The following NARS2 variants were observed in gnomAD, a reference collection of about 807,000 sequenced individuals.
NARS2 encodes asparaginyl-tRNA synthetase 2, mitochondrial.
Under a neutral mutation model 62.9 loss-of-function variants are expected in NARS2, and 60 were observed. That is an observed-to-expected ratio of 0.95 (90% CI 0.77 to 1.18). The LOEUF is 1.18. Among genes scored for constraint, NARS2 ranks in the 50% most tolerant of loss-of-function variants. The pLI is 0.00. For synonymous variants in NARS2, 196 were observed against 200.0 expected (o/e 0.98, Z 0.17); for missense variants, 619 against 576.4 (o/e 1.07, Z -0.76).
intron 1 of NARS2, 134 bp from the exon 2 acceptor site, chr11:78,571,578 C>T (rs1402682881): frequency 1.6e-6 from 1 of 611,216 alleles, no homozygotes; most frequent in Admixed American, 2.8e-5. Context: ...TTTAGTTCAC[C>T]AATATGCATA....
chr11:78,571,448 A>C lies in NARS2; in HGVS notation c.142-4T>G. ...ATCGGACAGAACGAATCCATCCCTA[A>C]GGAAGAGAAATATTTCCAATGTGAG... On this transcript the variant is annotated splice_polypyrimidine_tract_variant and splice_region_variant and intron_variant, in intron 1 of 13. Coordinates refer to ENST00000281038, the MANE Select transcript of NARS2 (RefSeq NM_024678.6). 12 of 1,597,782 alleles carry C rather than the reference A, an allele frequency of 7.5e-6. No individual in the cohort carries two copies. Among genetic ancestry groups the C allele is most frequent in the Non-Finnish European group, 1.0e-5 (12 of 1,166,180 alleles).
At chr11:78,518,327 C>T (rs951161386) in intron 6 of NARS2, among the ~76,000 whole-genome samples, 6 of 151,904 alleles carry the variant, frequency 3.9e-5, no homozygotes, top group East Asian at 3.9e-4. Context: ...TATATGGAGA[C>T]GAACTGTATA....
intron 9 of NARS2, among the ~76,000 whole-genome samples, chr11:78,472,996 T>C (rs1470861515): frequency 6.6e-6 from 1 of 152,194 alleles, no homozygotes; most frequent in Non-Finnish European, 1.5e-5. Flanking sequence ...TTAACATGCA[T>C]ATCTGACTTA....
At chr11:78,569,190 A>G (rs1284679069) in intron 2 of NARS2, among the ~76,000 whole-genome samples, 1 of 152,204 alleles carries the variant, frequency 6.6e-6, no homozygotes, top group East Asian at 1.9e-4. Flanking sequence ...TTTCTAGTTA[A>G]TAAGACTAGG....
intron 11 of NARS2, among the ~76,000 whole-genome samples, chr11:78,461,054 A>G (rs1858374688): frequency 6.6e-6 from 1 of 152,228 alleles, no homozygotes; most frequent in African/African-American, 2.4e-5. Context: ...GTCATTTTAC[A>G]TAAGGGACTC....
intron 6 of NARS2, among the ~76,000 whole-genome samples, chr11:78,526,004 G>C (rs1287159549): frequency 6.6e-6 from 1 of 152,128 alleles, no homozygotes; most frequent in Non-Finnish European, 1.5e-5. Flanking sequence ...GAATGGAAGA[G>C]ACTGGGGAAA....
chr11:78,563,851 A>ATAT (rs1555044245), intron 4 of NARS2, among the ~76,000 whole-genome samples: 62 of 33,926 alleles, frequency 1.8e-3, no homozygotes, highest in African/African-American at 5.6e-3. Context: ...AAAAAAAAAA[A>ATAT]ATATATATAT....
rs1311537656 is a variant in NARS2, at chr11:78,574,450, G to C, written c.39C>G (p.Phe13Leu). 2 of 1,613,928 alleles carry C rather than the reference G, an allele frequency of 1.2e-6. No homozygotes were observed. The highest frequency in any genetic ancestry group is 8.5e-7 in the Non-Finnish European group (1 of 1,179,958). The change falls in exon 1 of 14, where the codon TTC becomes TTG. Residue 13 changes from phenylalanine to leucine, a missense_variant. Physicochemically the swap from Phe to Leu is conservative, Grantham distance 22. Transcript: ENST00000281038. ...GVRCLLRSVRFCSSAPFPKHK... is the reference protein window; with the variant it reads ...GVRCLLRSVRLCSSAPFPKHK... ...GCTTGGGGAAGGGGGCGGAGGAACA[G>C]AAGCGCACGGACCGCAGCAGGCAGC...
At chr11:78,462,982 A>T (rs550328355) in intron 11 of NARS2, among the ~76,000 whole-genome samples, 3 of 152,342 alleles carry the variant, frequency 2.0e-5, no homozygotes, top group Admixed American at 6.5e-5. Context: ...TTTTACAACT[A>T]ATAATATTAC....
Position 78,469,265 on chromosome 11 carries a change from G to C in NARS2, c.1008C>G (p.Asn336Lys), listed in dbSNP as rs34950075. 204 of 1,612,392 alleles carry C rather than the reference G, an allele frequency of 1.3e-4. No homozygotes were observed. In the African/African-American group the frequency reaches 2.5e-3, roughly 20 times the overall value. Residue 336 changes from asparagine (N) to lysine (K), a missense_variant, in exon 10 of 14, where the codon AAC (asparagine) becomes AAG (lysine). Physicochemically the swap from Asn to Lys is moderately conservative, Grantham distance 94 (BLOSUM62 0). Transcript: ENST00000281038. ...AVEILKQASQ[N>K]FTFTPEWGAD... ...ATACTACCTCTGGGGTAAAGGTGAAGTTCTGGGATGCTTGCTTTAAGATCT... is the reference window on the plus strand; with the variant it reads ...ATACTACCTCTGGGGTAAAGGTGAACTTCTGGGATGCTTGCTTTAAGATCT...
intron 6 of NARS2, among the ~76,000 whole-genome samples, chr11:78,505,886 G>A (rs1469213110): frequency 1.3e-5 from 2 of 151,868 alleles, no homozygotes; most frequent in Non-Finnish European, 2.9e-5. Context: ...AGAAGCTTCT[G>A]GTCTTCAAAA....
intron 11 of NARS2, among the ~76,000 whole-genome samples, chr11:78,452,707 C>T (rs1314823143): frequency 6.6e-6 from 1 of 152,150 alleles, no homozygotes; most frequent in African/African-American, 2.4e-5. Flanking sequence ...CCATGCCCAG[C>T]TCTATGATTA....
chr11:78,550,685 G>A (rs1856066879), intron 5 of NARS2, among the ~76,000 whole-genome samples: 1 of 152,172 alleles, frequency 6.6e-6, no homozygotes. Flanking sequence ...TAGCTTGGCA[G>A]TTTTTAAAAA....
intron 4 of NARS2, among the ~76,000 whole-genome samples, chr11:78,563,812 C>G (rs376386023): frequency 1.4e-5 from 1 of 71,968 alleles, no homozygotes; most frequent in Non-Finnish European, 2.5e-5. Flanking sequence ...GCCTGGGCAA[C>G]AGAGTGAACT....
intron 5 of NARS2, among the ~76,000 whole-genome samples, chr11:78,557,745 A>G (rs1291531639): frequency 6.6e-6 from 1 of 150,446 alleles, no homozygotes; most frequent in Non-Finnish European, 1.5e-5. Context: ...CACTTATCTG[A>G]TAATTTGTCT....
intron 4 of NARS2, among the ~76,000 whole-genome samples, chr11:78,565,727 T>C (rs562555181): frequency 1.3e-5 from 2 of 152,318 alleles, no homozygotes; most frequent in Admixed American, 1.3e-4. Context: ...AGTGCTCACA[T>C]GCTGGCTGGA....
At chr11:78,526,977 T>C (rs1405966815) in intron 6 of NARS2, among the ~76,000 whole-genome samples, 1 of 152,192 alleles carries the variant, frequency 6.6e-6, no homozygotes. Flanking sequence ...GATTACTTAA[T>C]TACTTAGGGA....
chr11:78,449,057 A>T (rs1423952028), intron 11 of NARS2, among the ~76,000 whole-genome samples: 1 of 151,240 alleles, frequency 6.6e-6, no homozygotes, highest in Non-Finnish European at 1.5e-5. Flanking sequence ...GCTTTTATTT[A>T]TCTGGAATAT....
At chr11:78,481,709 T>G (rs1042094876) in intron 7 of NARS2, among the ~76,000 whole-genome samples, 38 of 152,198 alleles carry the variant, frequency 2.5e-4, no homozygotes, top group Non-Finnish European at 4.9e-4. Flanking sequence ...ATAACAGCAA[T>G]ACCTAATTGC....
Sources: gnomAD v4.1 joint callset for allele counts (sites outside exome capture counted in the v4.1 genomes callset) on GRCh38, gnomAD v4.1.1 for gene constraint, MANE v1.5 for transcripts, NCBI Gene and HGNC (gene_info 2026-07-23, HGNC 2026-07-21) for gene names.